Variants in TRIM37 observed in about 807,000 individuals in gnomAD.
TRIM37 encodes the protein E3 ubiquitin-protein ligase TRIM37.
A neutral mutation model predicts 129.8 loss-of-function variants in TRIM37; 80 were observed. That is an observed-to-expected ratio of 0.62 (90% confidence interval 0.51 to 0.74). The LOEUF is 0.74. TRIM37 is among the 30% of genes least tolerant of loss of function. The pLI, the probability that TRIM37 is intolerant of heterozygous loss-of-function variation, is 0.00. For synonymous variants in TRIM37, 389 were observed against 387.1 expected (o/e 1.00, Z -0.06); for missense variants, 1,054 against 1,176.5 (o/e 0.90, Z 1.52).
chr17:59,042,806 A>T (rs1047197200), intron 16 of TRIM37, among the ~76,000 whole-genome samples: 12 of 151,170 alleles, frequency 7.9e-5, no homozygotes, highest in South Asian at 4.2e-4. Flanking sequence ...AAGGAAGATT[A>T]AAAAAAAAGA....
At position 59,090,875 on chromosome 17, in the gene TRIM37, C is replaced by G. The variant is rs559772156; in HGVS notation, c.164+425G>C. 2.6e-5 allele frequency among the ~76,000 whole-genome samples: 4 copies of G among 152,298 alleles called. No homozygotes were observed. The East Asian group carries it at 7.7e-4, about 29-fold the overall frequency. On this transcript the variant is annotated intron_variant, in intron 3 of 23. Coordinates refer to ENST00000262294, the MANE Select transcript of TRIM37 (RefSeq NM_015294.6). ...TCCCGACCTCAGGTGATCCAGCCGC[C>G]TTGGCCTCCCAAAGTGCTGGGATTA...
At chr17:58,981,188 C>T, downstream of TRIM37, 1 of 602,954 alleles carries the variant, frequency 1.7e-6, no homozygotes. Context: ...ACTCAAAGTA[C>T]AGTGTTTTCA....
rs774677229 is a variant in TRIM37, at chr17:59,001,705, C to G, written c.2705G>C (p.Ser902Thr). The G allele has an allele frequency of 9.3e-6, 15 of 1,613,914 alleles. No individual in the cohort carries two copies. The highest frequency in any genetic ancestry group is 1.3e-5 in the African/African-American group (1 of 74,916). The change falls in exon 23 of 24, where the codon AGC (serine) becomes ACC (threonine). Residue 902 changes from serine (S) to threonine (T), a missense_variant. Physicochemically the swap from Ser to Thr is moderately conservative, Grantham distance 58. Transcript: ENST00000262294. ...AGTGTCACATTCAATGTCACTGTCG[C>G]TACTCATTCCTGGCAGGAAGGAAGG... ...ASAAPEEGMS[S>T]DSDIECDTEN...
At chr17:59,009,119 CT>C (rs927871882) in intron 22 of TRIM37, among the ~76,000 whole-genome samples, 2 of 151,886 alleles carry the variant, frequency 1.3e-5, no homozygotes, top group Non-Finnish European at 2.9e-5. Context: ...CTTCCAAGTT[CT>C]TTTTTTTCTT....
chr17:59,088,230 G>A (rs2043952858), intron 4 of TRIM37, 61 bp downstream of exon 4: 1 of 1,027,624 alleles, frequency 9.7e-7, no homozygotes, highest in Non-Finnish European at 1.5e-6. Flanking sequence ...CCAATATAGT[G>A]TCATTAAACA....
intron 2 of TRIM37, among the ~76,000 whole-genome samples, 169 bp from the exon 3 acceptor site, chr17:59,091,509 T>TTA (rs1555695210): frequency 8.3e-5 from 11 of 133,098 alleles, no homozygotes; most frequent in Admixed American, 1.8e-4. Flanking sequence ...ATATAACATA[T>TTA]CATATATATA....
At chr17:58,980,528 G>GTT, downstream of TRIM37, 1 of 1,614,166 alleles carries the variant, frequency 6.2e-7, no homozygotes, top group Non-Finnish European at 8.5e-7. This position sits in a 1 kb window ranked among gnomAD's most constrained non-coding sequence, Gnocchi z 4.7. Flanking sequence ...TTTGCTACCA[G>GTT]TTGAGATGTT....
At position 59,047,702 on chromosome 17, in the gene TRIM37, C is replaced by T; in HGVS notation, c.1648G>A (p.Asp550Asn). 4.6e-5 allele frequency: 74 copies of T among 1,613,718 alleles called. No homozygotes were observed. The highest frequency in any genetic ancestry group is 6.1e-5 in the Non-Finnish European group (72 of 1,179,866). Residue 550 changes from aspartate (D) to asparagine (N), a missense_variant, in exon 16 of 24, where the codon GAT (aspartate) becomes AAT (asparagine). Transcript: ENST00000262294. ...STATSNTEEN[D>N]IDEETMSGEN... ...ACTCACATAGTTTCTTCATCAATAT[C>T]ATTTTCTTCTGTATTACTTGTTGCT...
chr17:58,994,708 C>T (rs545913607), downstream of TRIM37, among the ~76,000 whole-genome samples: 1 of 152,124 alleles, frequency 6.6e-6, no homozygotes, highest in South Asian at 2.1e-4. Flanking sequence ...CAATCCCTCA[C>T]AGATGCTAAG....
chr17:59,103,939 A>G (rs977124130), intron 2 of TRIM37, among the ~76,000 whole-genome samples: 1 of 152,102 alleles, frequency 6.6e-6, no homozygotes, highest in Non-Finnish European at 1.5e-5. Flanking sequence ...AAGCCACTAG[A>G]TTATATTCAT....
chr17:59,068,896 C>T (rs1312526569), intron 9 of TRIM37, among the ~76,000 whole-genome samples: 3 of 152,108 alleles, frequency 2.0e-5, no homozygotes, highest in South Asian at 2.1e-4. Context: ...ATATTTTTGT[C>T]ACAACTGCAA....
intron 22 of TRIM37, among the ~76,000 whole-genome samples, chr17:59,009,947 C>G (rs1468964353): frequency 1.3e-5 from 2 of 152,122 alleles, no homozygotes; most frequent in Non-Finnish European, 2.9e-5. Flanking sequence ...CATTTTTGAG[C>G]TGCCTATAAA....
chr17:58,983,031 G>GTAA, intron 24 of TRIM37: 2 of 1,031,396 alleles, frequency 1.9e-6, no homozygotes, highest in Non-Finnish European at 2.9e-6. Flanking sequence ...TTGTCTATTG[G>GTAA]TAATGTTTTT....
At chr17:58,992,322 AATAT>A (rs35222079) in intron 24 of TRIM37, among the ~76,000 whole-genome samples, 21 of 137,712 alleles carry the variant, frequency 1.5e-4, no homozygotes, top group Admixed American at 3.0e-4. Flanking sequence ...TACATATGTA[AATAT>A]ATATATATAT....
chr17:59,051,460 T>TAAA, intron 13 of TRIM37, 132 bp from the exon 14 acceptor site: 1 of 701,506 alleles, frequency 1.4e-6, no homozygotes, highest in Non-Finnish European at 2.6e-6. Flanking sequence ...CTGCTAGTAT[T>TAAA]TGTTGTTTAT....
At chr17:58,992,325 AT>A (rs2144161375) in intron 24 of TRIM37, among the ~76,000 whole-genome samples, 1 of 25,254 alleles carries the variant, frequency 4.0e-5, no homozygotes, top group East Asian at 6.9e-4. Flanking sequence ...ATATGTAAAT[AT>A]ATATATATAT....
In TRIM37 at chr17:59,106,757, C is replaced by A. The variant is rs886053181; in HGVS notation, c.-296G>T. ...CCAGCAGCCGCGCCGGAACCTCGGC[C>A]CACGTGACGCGGGCGCGCGCCTATG... On this transcript the variant is annotated 5_prime_UTR_variant, in exon 1 of 24. Coordinates refer to ENST00000262294, the MANE Select transcript of TRIM37 (RefSeq NM_015294.6). The A allele has an allele frequency of 1.8e-4, 99 of 564,336 alleles. No individual in the cohort carries two copies. Among genetic ancestry groups the A allele is most frequent in the Non-Finnish European group, 3.0e-4 (96 of 316,738 alleles). 35.0% of individuals were successfully genotyped at this position (564,336 alleles called of 1,614,324 possible).
At chr17:59,080,812 T>C (rs549116380) in intron 6 of TRIM37, among the ~76,000 whole-genome samples, 1 of 152,168 alleles carries the variant, frequency 6.6e-6, no homozygotes, top group African/African-American at 2.4e-5. Flanking sequence ...AAAAATAAGT[T>C]AATTATTGAC....
intron 9 of TRIM37, among the ~76,000 whole-genome samples, chr17:59,067,189 C>G (rs2041985892): frequency 6.6e-6 from 1 of 152,162 alleles, no homozygotes; most frequent in South Asian, 2.1e-4. Flanking sequence ...CACCACATCT[C>G]CATATTATGC....
Sources: gnomAD v4.1 joint callset for allele counts (sites outside exome capture counted in the v4.1 genomes callset) on GRCh38, gnomAD v4.1.1 for gene constraint, Gnocchi (gnomAD v3.1) non-coding constraint, MANE v1.5 for transcripts, NCBI Gene and HGNC (gene_info 2026-07-23, HGNC 2026-07-21) for gene names.